Variants in CD99L2 observed in about 807,000 individuals in gnomAD.
CD99L2 encodes CD99 antigen-like protein 2.
A neutral mutation model predicts 27.3 loss-of-function variants in CD99L2; 24 were observed. That is an observed-to-expected ratio of 0.88 (90% CI 0.64 to 1.24). The LOEUF (loss-of-function observed/expected upper bound fraction) is 1.24. Among genes scored for constraint, CD99L2 ranks in the 50% most tolerant of loss-of-function variants. The pLI is 0.00. For synonymous variants in CD99L2, 97 were observed against 87.9 expected, an observed-to-expected ratio of 1.10 and a Z score of -0.58; for missense variants, 255 against 221.6, an observed-to-expected ratio of 1.15 and a Z score of -0.96.
intron 7 of CD99L2, among the ~76,000 whole-genome samples, chrX:150,786,704 T>C (rs1404445369): frequency 8.9e-6 from 1 of 112,064 alleles, no homozygotes; most frequent in Non-Finnish European, 1.9e-5. Context: ...GTCTTTATGA[T>C]AGAGCAATTT....
chrX:150,898,405 G>A, intron 1 of CD99L2, 117 bp downstream of exon 1: 2 of 534,897 alleles, frequency 3.7e-6, no homozygotes, highest in Non-Finnish European at 5.0e-6. Context: ...CGGGCCGGCC[G>A]GTGGCAGCCA....
chrX:150,871,868 A>T (rs2047161999), intron 1 of CD99L2, among the ~76,000 whole-genome samples: 1 of 112,328 alleles, frequency 8.9e-6, no homozygotes, highest in Non-Finnish European at 1.9e-5. Flanking sequence ...AGAGCTAGAA[A>T]CAAAAAAGGA....
chrX:150,821,213 G>C (rs782115773), intron 2 of CD99L2, among the ~76,000 whole-genome samples: 7 of 111,378 alleles, frequency 6.3e-5, no homozygotes, highest in African/African-American at 2.0e-4. Context: ...TAGCCAAATC[G>C]ATCTTTAAAA....
At chrX:150,836,008 A>G (rs6653501) in intron 1 of CD99L2, among the ~76,000 whole-genome samples, 8,003 of 111,019 alleles carry the variant, frequency 0.072, 562 homozygotes, top group African/African-American at 0.22. Context: ...CTAATCACAC[A>G]TAACTGAAAA....
intron 1 of CD99L2, among the ~76,000 whole-genome samples, chrX:150,895,303 C>T (rs2047588669): frequency 1.8e-5 from 2 of 111,844 alleles, no homozygotes; most frequent in Non-Finnish European, 3.8e-5. Flanking sequence ...ATACAGGCAG[C>T]ATACCTGTCC....
At chrX:150,881,531 G>A (rs1461868536) in intron 1 of CD99L2, among the ~76,000 whole-genome samples, 1 of 112,522 alleles carries the variant, frequency 8.9e-6, no homozygotes, top group Non-Finnish European at 1.9e-5. Context: ...GTCAGTGCCC[G>A]CATCACCATT....
chrX:150,766,592 A>AATT lies in CD99L2; in HGVS notation c.*2441_*2442insAAT, dbSNP rs1569565808. ...GTGACTTCACCCAGCATGTGCTCAGAGTTGTTACAAATTTTCTCTGCCAAA... is the reference window on the plus strand; with the variant it reads ...GTGACTTCACCCAGCATGTGCTCAGAATTGTTGTTACAAATTTTCTCTGCCAAA... On this transcript the variant is annotated 3_prime_UTR_variant, in exon 11 of 11. Transcript: ENST00000370377. The AATT allele has an allele frequency of 9.0e-6, 1 of 111,242 alleles. No individual in the cohort carries two copies. Among genetic ancestry groups the AATT allele is most frequent in the African/African-American group, 3.3e-5 (1 of 30,185 alleles). 9.2% of individuals were successfully genotyped at this position (111,242 alleles called of 1,213,427 possible).
intron 9 of CD99L2, chrX:150,771,701 A>C: frequency 3.2e-6 from 3 of 947,591 alleles, no homozygotes; most frequent in Non-Finnish European, 4.4e-6. Flanking sequence ...AGTGCCAGGG[A>C]AGCAGGAGGG....
chrX:150,786,571 G>A (rs1428217485), intron 7 of CD99L2, among the ~76,000 whole-genome samples: 2 of 111,779 alleles, frequency 1.8e-5, no homozygotes, highest in Non-Finnish European at 3.8e-5. Flanking sequence ...TTAAGGCTGT[G>A]TAGTATTTCC....
At chrX:150,816,354 C>A (rs1304148593) in intron 2 of CD99L2, 2 of 341,555 alleles carry the variant, frequency 5.9e-6, no homozygotes, top group African/African-American at 5.2e-5. Context: ...CCTGGGCTTG[C>A]ACCCAGATCT....
intron 1 of CD99L2, among the ~76,000 whole-genome samples, chrX:150,867,127 T>C (rs1458248639): frequency 1.8e-5 from 2 of 111,721 alleles, no homozygotes; most frequent in East Asian, 2.8e-4. Flanking sequence ...TAGTTGTACA[T>C]GGCTGGAGGT....
intron 10 of CD99L2, 24 bp from the exon 11 acceptor site, chrX:150,769,125 A>G (rs781878833): frequency 4.0e-5 from 46 of 1,157,648 alleles, no homozygotes; most frequent in Non-Finnish European, 5.3e-5. Context: ...AGGCCGTCAG[A>G]AGGAATTCTG....
intron 1 of CD99L2, among the ~76,000 whole-genome samples, chrX:150,861,766 C>T (rs1253306222): frequency 9.1e-6 from 1 of 109,870 alleles, no homozygotes; most frequent in Non-Finnish European, 1.9e-5. Flanking sequence ...ATTAGCTGGG[C>T]GTAGTGGCGG....
At chrX:150,803,851 C>T (rs1420012333) in intron 4 of CD99L2, among the ~76,000 whole-genome samples, 1 of 111,915 alleles carries the variant, frequency 8.9e-6, no homozygotes, top group Non-Finnish European at 1.9e-5. Context: ...GGACTGAGAG[C>T]TTGGTAAAGA....
At chrX:150,859,496 T>C (rs1190458686) in intron 1 of CD99L2, among the ~76,000 whole-genome samples, 1 of 90,222 alleles carries the variant, frequency 1.1e-5, no homozygotes, top group African/African-American at 4.4e-5. Flanking sequence ...CGAAACTCTG[T>C]CTCTTTTTTT....
chrX:150,797,019 A>C (rs2045807487), intron 4 of CD99L2, among the ~76,000 whole-genome samples: 1 of 111,576 alleles, frequency 9.0e-6, no homozygotes, highest in South Asian at 3.7e-4. Context: ...AGTTTATAGC[A>C]CTCAATGCAT....
intron 1 of CD99L2, among the ~76,000 whole-genome samples, chrX:150,860,862 C>T (rs1321389039): frequency 9.0e-6 from 1 of 110,720 alleles, no homozygotes; most frequent in African/African-American, 3.3e-5. Flanking sequence ...AAATGAATAT[C>T]ATTGGCCAGG....
chrX:150,842,310 T>A (rs1434796838), intron 1 of CD99L2, among the ~76,000 whole-genome samples: 1 of 111,882 alleles, frequency 8.9e-6, no homozygotes, highest in Non-Finnish European at 1.9e-5. Flanking sequence ...TGGAGTAGAT[T>A]TTGTCCCTTT....
At chrX:150,791,536 G>T (rs1271739814) in intron 7 of CD99L2, among the ~76,000 whole-genome samples, 3 of 111,735 alleles carry the variant, frequency 2.7e-5, no homozygotes, top group African/African-American at 9.8e-5. Flanking sequence ...GGCCACACAG[G>T]ACAGAGGGCT....
Sources: gnomAD v4.1 joint callset for allele counts (sites outside exome capture counted in the v4.1 genomes callset) on GRCh38, gnomAD v4.1.1 for gene constraint, MANE v1.5 for transcripts, NCBI Gene and HGNC (gene_info 2026-07-23, HGNC 2026-07-21) for gene names.